The following MAGI2 variants were observed in gnomAD, a reference collection of about 807,000 sequenced individuals.
MAGI2 encodes the protein membrane-associated guanylate kinase, WW and PDZ domain-containing protein 2.
A neutral mutation model predicts 133.3 loss-of-function variants in MAGI2; 35 were observed. The ratio of observed to expected loss-of-function variants is 0.26; its 90% CI spans 0.20 to 0.35. The LOEUF is 0.35. MAGI2 is among the 10% of genes least tolerant of loss of function. MAGI2 has a pLI of 1.00. For missense variants in MAGI2, 1,636 were observed against 1,863.4 expected (o/e 0.88, Z 2.25); for synonymous variants, 729 against 710.6 (o/e 1.03, Z -0.41).
chr7:79,027,681 T>C (rs905444075), intron 1 of MAGI2, among the ~76,000 whole-genome samples: 20 of 152,192 alleles, frequency 1.3e-4, no homozygotes, highest in African/African-American at 4.8e-4. Context: ...TTTCAAATGT[T>C]CTCAACCAAA....
At chr7:78,970,460 C>T (rs2115966384) in intron 2 of MAGI2, among the ~76,000 whole-genome samples, 1 of 152,072 alleles carries the variant, frequency 6.6e-6, no homozygotes, top group Non-Finnish European at 1.5e-5. Flanking sequence ...ACTTGAGATC[C>T]CCTATGCTGA....
At chr7:79,391,318 T>G (rs533605886) in intron 1 of MAGI2, among the ~76,000 whole-genome samples, 2 of 151,556 alleles carry the variant, frequency 1.3e-5, no homozygotes, top group East Asian at 3.9e-4. Flanking sequence ...TGAACTCTCA[T>G]AATAACAAAG....
intron 2 of MAGI2, among the ~76,000 whole-genome samples, chr7:78,953,459 G>T (rs917055026): frequency 2.0e-5 from 3 of 152,082 alleles, no homozygotes; most frequent in Non-Finnish European, 2.9e-5. Context: ...ATGAAATAGA[G>T]TTAAATGGCT....
chr7:78,024,742 G>A, intron 21 of MAGI2, among the ~76,000 whole-genome samples: 1 of 152,134 alleles, frequency 6.6e-6, no homozygotes, highest in Non-Finnish European at 1.5e-5. Flanking sequence ...GGATACTGTT[G>A]AAGACAGAAA....
At chr7:78,070,186 T>C (rs1368772274) in intron 21 of MAGI2, among the ~76,000 whole-genome samples, 71 of 24,238 alleles carry the variant, frequency 2.9e-3, no homozygotes, top group African/African-American at 6.2e-3. Flanking sequence ...TATATATATA[T>C]ATATATATAT....
rs75781109 is a variant in MAGI2, at chr7:79,086,416, A to T, written c.302-79210T>A. 1.8e-4 allele frequency among the ~76,000 whole-genome samples: 27 copies of T among 152,016 alleles called. No individual in the cohort carries two copies. The East Asian group carries it at 5.2e-3, about 29-fold the overall frequency. On this transcript the variant is annotated intron_variant, in intron 1 of 21. Coordinates refer to ENST00000354212, the MANE Select transcript of MAGI2 (RefSeq NM_012301.4). ...GATAATATTCAAGCATATCATGCAG[A>T]TCTCAGAAAACAGATATAGGAAGAA...
chr7:78,296,197 A>T (rs1399103632), intron 9 of MAGI2, among the ~76,000 whole-genome samples: 1 of 152,122 alleles, frequency 6.6e-6, no homozygotes, highest in African/African-American at 2.4e-5. Context: ...CTGCTAAATG[A>T]TTACTCATCA....
At chr7:78,648,645 C>G (rs564723506) in intron 2 of MAGI2, among the ~76,000 whole-genome samples, 3 of 152,196 alleles carry the variant, frequency 2.0e-5, no homozygotes, top group Non-Finnish European at 2.9e-5. Context: ...GGGTTAGTAT[C>G]CAAGAGTTGC....
rs572046136 is a variant in MAGI2, at chr7:78,957,984, C to A, written c.418+49106G>T. Among the ~76,000 whole-genome samples the A allele has an allele frequency of 1.5e-3, 223 of 152,164 alleles. 1 individual carries two copies. The highest frequency in any genetic ancestry group is 4.0e-3 in the Admixed American group (61 of 15,266). The stretch of plus-strand genomic sequence containing the variant: ...TTTACTTGTGTGTCATTGATTAAGG[C>A]AATACCTGTAAGACCCCTGTTCTTT... On this transcript the variant is annotated intron_variant, in intron 2 of 21. Coordinates refer to ENST00000354212, the MANE Select transcript of MAGI2 (RefSeq NM_012301.4).
At chr7:78,110,453 A>G (rs1819242912) in intron 20 of MAGI2, among the ~76,000 whole-genome samples, 1 of 152,204 alleles carries the variant, frequency 6.6e-6, no homozygotes, top group South Asian at 2.1e-4. Context: ...TGCGCTGAAC[A>G]TCCAATAGGC....
intron 1 of MAGI2, chr7:79,125,626 A>G (rs1296128207): frequency 1.9e-5 from 10 of 517,248 alleles, no homozygotes; most frequent in Non-Finnish European, 3.8e-5. Context: ...TTTTGGAGGT[A>G]GTGGAACTAT....
chr7:79,389,396 T>C (rs939111609), intron 1 of MAGI2, among the ~76,000 whole-genome samples: 1 of 152,194 alleles, frequency 6.6e-6, no homozygotes, highest in East Asian at 1.9e-4. Context: ...AAATAAAATA[T>C]ACTTGAAAGA....
At chr7:78,377,560 T>C (rs1794556371) in intron 6 of MAGI2, among the ~76,000 whole-genome samples, 1 of 151,622 alleles carries the variant, frequency 6.6e-6, no homozygotes, top group South Asian at 2.1e-4. Flanking sequence ...CCTTGGAGAC[T>C]TGGCTATGAA....
At chr7:79,150,686 A>G (rs1470764415) in intron 1 of MAGI2, among the ~76,000 whole-genome samples, 1 of 70,394 alleles carries the variant, frequency 1.4e-5, no homozygotes, top group Non-Finnish European at 5.4e-5. Context: ...GATATTTCAT[A>G]TCAGGTGGGC....
chr7:78,850,288 A>G (rs1418976012), intron 2 of MAGI2, among the ~76,000 whole-genome samples: 1 of 152,106 alleles, frequency 6.6e-6, no homozygotes, highest in Non-Finnish European at 1.5e-5. Flanking sequence ...TGAAAGCTTC[A>G]GTCTAAAGTC....
At chr7:79,449,340 G>A (rs1849073296) in intron 1 of MAGI2, among the ~76,000 whole-genome samples, 1 of 146,088 alleles carries the variant, frequency 6.8e-6, no homozygotes, top group South Asian at 2.2e-4. Context: ...TCTTCCACAT[G>A]GGAAGAATTA....
At chr7:79,201,506 T>C (rs533938319) in intron 1 of MAGI2, among the ~76,000 whole-genome samples, 71 of 152,078 alleles carry the variant, frequency 4.7e-4, no homozygotes, top group Non-Finnish European at 7.9e-4. Flanking sequence ...ATAGTGTTTT[T>C]GTTTTGTTTT....
intron 1 of MAGI2, among the ~76,000 whole-genome samples, chr7:79,088,198 A>G (rs1250317865): frequency 5.3e-5 from 8 of 152,070 alleles, no homozygotes; most frequent in Non-Finnish European, 1.0e-4. Context: ...CTCCTTGACG[A>G]ACTACAACCC....
chr7:78,671,434 T>C (rs1222561055), intron 2 of MAGI2, among the ~76,000 whole-genome samples: 1 of 152,142 alleles, frequency 6.6e-6, no homozygotes, highest in Non-Finnish European at 1.5e-5. Context: ...AAAGCAGAGA[T>C]AGCATGTGTG....
Sources: allele counts gnomAD v4.1 joint callset (sites outside exome capture counted in the v4.1 genomes callset), GRCh38; gene constraint gnomAD v4.1.1; transcripts MANE v1.5; gene names NCBI Gene and HGNC (gene_info 2026-07-23, HGNC 2026-07-21).